Variants in NRXN3 observed in about 807,000 individuals in gnomAD.
The protein encoded by NRXN3 is neurexin 3, also known as neurexin III.
Under a neutral mutation model 137.6 loss-of-function variants are expected in NRXN3, and 32 were observed. That is an observed-to-expected ratio of 0.23 (90% confidence interval 0.18 to 0.31). NRXN3 has a LOEUF of 0.31. Among genes scored for constraint, NRXN3 ranks in the 10% least tolerant of loss-of-function variants. NRXN3 has a pLI of 1.00. For synonymous variants in NRXN3, 798 were observed against 784.5 expected (o/e 1.02, Z -0.29); for missense variants, 1,574 against 2,062.5 (o/e 0.76, Z 4.59).
chr14:78,481,454 C>G (rs1387432503), intron 4 of NRXN3, among the ~76,000 whole-genome samples: 1 of 152,080 alleles, frequency 6.6e-6, no homozygotes, highest in Non-Finnish European at 1.5e-5. Flanking sequence ...GAAAGTCTTG[C>G]TAGAGGAGAA....
intron 5 of NRXN3, chr14:78,649,329 T>C (rs571291927): frequency 7.6e-7 from 1 of 1,312,036 alleles, no homozygotes; most frequent in East Asian, 5.1e-5. Context: ...ATCATTCTTA[T>C]TGTCTCTTTT....
intron 8 of NRXN3, among the ~76,000 whole-genome samples, chr14:78,736,881 A>C (rs2098543409): frequency 6.6e-6 from 1 of 152,212 alleles, no homozygotes; most frequent in South Asian, 2.1e-4. Context: ...AAGAGCCAGG[A>C]TATTGCTGTG....
At chr14:79,371,732 C>T (rs1434473892) in intron 15 of NRXN3, among the ~76,000 whole-genome samples, 5 of 152,008 alleles carry the variant, frequency 3.3e-5, no homozygotes, top group African/African-American at 9.7e-5. Flanking sequence ...TGAACGTATA[C>T]GTTTGTGGGG....
intron 10 of NRXN3, among the ~76,000 whole-genome samples, chr14:78,924,135 G>A (rs546109923): frequency 1.3e-5 from 2 of 152,324 alleles, no homozygotes; most frequent in Admixed American, 6.5e-5. Context: ...TATAATCCCA[G>A]CTACTTGGGA....
chr14:79,056,284 A>G (rs2099662478), intron 15 of NRXN3, among the ~76,000 whole-genome samples: 2 of 152,232 alleles, frequency 1.3e-5, no homozygotes. Flanking sequence ...AGGGCATAGT[A>G]AGGACTAATT....
intron 8 of NRXN3, among the ~76,000 whole-genome samples, chr14:78,790,915 C>T (rs1353333597): frequency 6.6e-6 from 1 of 152,176 alleles, no homozygotes; most frequent in Non-Finnish European, 1.5e-5. Context: ...GTATCAGTGC[C>T]AGTGGGCCTC....
intron 10 of NRXN3, among the ~76,000 whole-genome samples, chr14:78,837,214 A>G (rs1444341022): frequency 6.6e-6 from 1 of 152,212 alleles, no homozygotes; most frequent in Non-Finnish European, 1.5e-5. Context: ...CCTTAAATCT[A>G]AAGTCTCTCT....
chr14:78,669,955 C>T (rs2097919751), intron 6 of NRXN3, among the ~76,000 whole-genome samples: 1 of 152,028 alleles, frequency 6.6e-6, no homozygotes, highest in African/African-American at 2.4e-5. Context: ...TGGTTTGCTG[C>T]ACCCATCAAC....
At chr14:79,725,162 G>A (rs1419480846) in intron 19 of NRXN3, among the ~76,000 whole-genome samples, 1 of 152,146 alleles carries the variant, frequency 6.6e-6, no homozygotes, top group Non-Finnish European at 1.5e-5. Context: ...TTTTCAGGGT[G>A]CTTTCTTAGA....
intron 15 of NRXN3, among the ~76,000 whole-genome samples, chr14:79,044,530 A>G (rs911276412): frequency 6.6e-6 from 1 of 152,248 alleles, no homozygotes; most frequent in Non-Finnish European, 1.5e-5. Context: ...AGCTCATAGC[A>G]CAATGGCTGG....
chr14:79,001,008 C>T (rs986286714), intron 15 of NRXN3, among the ~76,000 whole-genome samples: 3 of 152,084 alleles, frequency 2.0e-5, no homozygotes, highest in Admixed American at 6.6e-5. Context: ...CCAAATTTCA[C>T]AGCTATTTCT....
intron 16 of NRXN3, among the ~76,000 whole-genome samples, chr14:79,491,456 A>G (rs1181979817): frequency 1.3e-5 from 2 of 152,190 alleles, no homozygotes; most frequent in Admixed American, 6.5e-5. Context: ...ACCTTTACTA[A>G]CAAGAGAAAA....
At chr14:78,495,084 C>CTT (rs5809891) in intron 4 of NRXN3, among the ~76,000 whole-genome samples, 21 of 115,906 alleles carry the variant, frequency 1.8e-4, no homozygotes, top group Non-Finnish European at 3.3e-4. Context: ...ATATTCTTGA[C>CTT]TTTTTTTTTT....
intron 16 of NRXN3, among the ~76,000 whole-genome samples, chr14:79,527,123 G>A (rs776755758): frequency 8.6e-5 from 13 of 151,714 alleles, no homozygotes; most frequent in Non-Finnish European, 1.6e-4. Flanking sequence ...GTGAAACCCC[G>A]TCTCTACTAA....
At chr14:79,051,551 A>G (rs576927327) in intron 15 of NRXN3, among the ~76,000 whole-genome samples, 3 of 152,322 alleles carry the variant, frequency 2.0e-5, no homozygotes, top group South Asian at 4.1e-4. Flanking sequence ...TCGGCACTAA[A>G]GAAAATTTCC....
At chr14:78,727,995 G>A (rs1350673960) in intron 8 of NRXN3, among the ~76,000 whole-genome samples, 1 of 152,166 alleles carries the variant, frequency 6.6e-6, no homozygotes, top group Admixed American at 6.5e-5. Context: ...CTTATAATTT[G>A]CAAAGAAATA....
Position 79,117,938 on chromosome 14 carries a change from C to T in NRXN3, c.3262+129797C>T, listed in dbSNP as rs375861039. 1.7e-4 allele frequency among the ~76,000 whole-genome samples: 26 copies of T among 152,196 alleles called. No individual in the cohort carries two copies. The South Asian group carries it at 2.1e-3, about 12-fold the overall frequency. ...TGTGCTTAGGGGTCAAGAGATTAGG[C>T]TTAGGGGAGTAGGGATATGGAAGTA... On this transcript the variant is annotated intron_variant, in intron 15 of 20. Coordinates refer to ENST00000335750, the MANE Select transcript of NRXN3 (RefSeq NM_001330195.2).
At chr14:78,897,489 A>G (rs1487990654) in intron 10 of NRXN3, among the ~76,000 whole-genome samples, 1 of 151,908 alleles carries the variant, frequency 6.6e-6, no homozygotes, top group Non-Finnish European at 1.5e-5. Context: ...TTCAGAGGAC[A>G]AAGCTACAGT....
At chr14:79,744,410 G>T (rs890967288) in intron 19 of NRXN3, among the ~76,000 whole-genome samples, 1 of 128,062 alleles carries the variant, frequency 7.8e-6, no homozygotes, top group African/African-American at 3.0e-5. Context: ...CCACTTAGAT[G>T]TTTCCTACCC....
Sources: gnomAD v4.1 joint callset for allele counts (sites outside exome capture counted in the v4.1 genomes callset) on GRCh38, gnomAD v4.1.1 for gene constraint, MANE v1.5 for transcripts, NCBI Gene and HGNC (gene_info 2026-07-23, HGNC 2026-07-21) for gene names.